The following SEZ6L variants were observed in gnomAD, a reference collection of about 807,000 sequenced individuals.
SEZ6L encodes seizure related 6 homolog like, also known as seizure 6-like protein.
Under a neutral mutation model 106.2 loss-of-function variants are expected in SEZ6L, and 37 were observed. The observed-to-expected ratio is 0.35, with a 90% confidence interval of 0.27 to 0.46. The LOEUF (loss-of-function observed/expected upper bound fraction) is 0.46, where lower values mean the gene tolerates loss of function less well. Among genes scored for constraint, SEZ6L ranks in the 20% least tolerant of loss-of-function variants. SEZ6L has a pLI of 1.00. For synonymous variants in SEZ6L, 541 were observed against 570.4 expected, an observed-to-expected ratio of 0.95 and a Z score of 0.73; for missense variants, 1,172 against 1,332.8, an observed-to-expected ratio of 0.88 and a Z score of 1.88.
chr22:26,177,830 G>T (rs1001383589), intron 1 of SEZ6L, among the ~76,000 whole-genome samples: 1 of 152,058 alleles, frequency 6.6e-6, no homozygotes, highest in Non-Finnish European at 1.5e-5. Context: ...TCAGATTCTA[G>T]CAGTTATTTG....
intron 1 of SEZ6L, among the ~76,000 whole-genome samples, chr22:26,256,640 G>T (rs2079831097): frequency 6.6e-6 from 1 of 152,216 alleles, no homozygotes; most frequent in African/African-American, 2.4e-5. Flanking sequence ...GACTTCCACG[G>T]CTGGGAACCA....
intron 11 of SEZ6L, among the ~76,000 whole-genome samples, chr22:26,348,638 AAGAAAGAAAAAGAAAG>A (rs1451828809): frequency 5.1e-4 from 16 of 31,474 alleles, no homozygotes; most frequent in Non-Finnish European, 5.1e-4. Flanking sequence ...GAAAGAAAGA[AAGAAAGAAAAAGAAAG>A]AAAGAAAGAA....
At chr22:26,369,304 C>T (rs1441568856) in intron 13 of SEZ6L, among the ~76,000 whole-genome samples, 1 of 149,958 alleles carries the variant, frequency 6.7e-6, no homozygotes, top group African/African-American at 2.5e-5. Flanking sequence ...CAAGCAGGGG[C>T]TCATCACGTG....
At chr22:26,306,353 G>A (rs1019114475) in intron 6 of SEZ6L, among the ~76,000 whole-genome samples, 11 of 152,132 alleles carry the variant, frequency 7.2e-5, no homozygotes, top group African/African-American at 2.7e-4. Flanking sequence ...GAAGGAAATG[G>A]ACCTGCCCCA....
intron 1 of SEZ6L, among the ~76,000 whole-genome samples, chr22:26,173,669 G>A (rs972879408): frequency 1.3e-5 from 2 of 152,170 alleles, no homozygotes; most frequent in Admixed American, 6.5e-5. Context: ...GCCTTAGATA[G>A]GGTGGCTTAA....
At chr22:26,343,527 T>C (rs549046614) in intron 10 of SEZ6L, among the ~76,000 whole-genome samples, 5 of 152,322 alleles carry the variant, frequency 3.3e-5, no homozygotes, top group African/African-American at 1.2e-4. Context: ...TTCAAATGCA[T>C]TATCTCCATT....
intron 12 of SEZ6L, 63 bp downstream of exon 12, chr22:26,351,306 A>G (rs954813952): frequency 5.3e-6 from 8 of 1,503,032 alleles, no homozygotes; most frequent in Non-Finnish European, 6.4e-6. Flanking sequence ...TCTCTTGTTC[A>G]TGATGGAAGG....
chr22:26,251,215 G>T lies in SEZ6L; in HGVS notation c.95-41191G>T, dbSNP rs189656591. Among the ~76,000 whole-genome samples the T allele has an allele frequency of 2.6e-5, 4 of 152,178 alleles. No homozygotes were observed. The East Asian group carries it at 5.8e-4, about 22-fold the overall frequency. On this transcript the variant is annotated intron_variant, in intron 1 of 16. Coordinates refer to ENST00000248933, the MANE Select transcript of SEZ6L (RefSeq NM_021115.5). ...TGGTGAGAGTAGGCAGCCTTGTCTT[G>T]TTCTAGTTCTTAAAGGAAAAGCTTT...
At chr22:26,186,864 T>G (rs1057167141) in intron 1 of SEZ6L, among the ~76,000 whole-genome samples, 3 of 152,140 alleles carry the variant, frequency 2.0e-5, no homozygotes, top group Non-Finnish European at 2.9e-5. Flanking sequence ...GAGTTTATTC[T>G]CAGCTGTGCT....
chr22:26,362,418 G>A (rs527725021), intron 12 of SEZ6L, among the ~76,000 whole-genome samples: 2 of 152,112 alleles, frequency 1.3e-5, no homozygotes, highest in South Asian at 2.1e-4. Context: ...TGCCTCTCTC[G>A]CTCAACTATT....
chr22:26,352,160 C>CAAAAAA (rs3071657), intron 12 of SEZ6L, among the ~76,000 whole-genome samples: 35 of 121,166 alleles, frequency 2.9e-4, no homozygotes, highest in African/African-American at 6.6e-4. Context: ...GACCCTGCCT[C>CAAAAAA]AAAAAAAAAA....
chr22:26,343,396 T>A (rs140579676), intron 10 of SEZ6L, among the ~76,000 whole-genome samples: 289 of 152,228 alleles, frequency 1.9e-3, no homozygotes, highest in African/African-American at 6.8e-3. Flanking sequence ...CTGGCCAGTG[T>A]TCAGTTTGGC....
At chr22:26,354,506 C>T (rs1479280039) in intron 12 of SEZ6L, among the ~76,000 whole-genome samples, 1 of 152,156 alleles carries the variant, frequency 6.6e-6, no homozygotes, top group Non-Finnish European at 1.5e-5. Context: ...GGTTTGTGGT[C>T]CTTTGTCAAG....
At chr22:26,208,014 A>G (rs1941368998) in intron 1 of SEZ6L, among the ~76,000 whole-genome samples, 3 of 149,820 alleles carry the variant, frequency 2.0e-5, no homozygotes, top group East Asian at 2.0e-4. Flanking sequence ...GGTTCACGCC[A>G]TTCTCCTGCC....
chr22:26,348,289 A>T (rs1028822847), intron 11 of SEZ6L, among the ~76,000 whole-genome samples: 1 of 151,858 alleles, frequency 6.6e-6, no homozygotes, highest in African/African-American at 2.4e-5. Flanking sequence ...TGAGCCCATG[A>T]GTTTGATAGC....
Position 26,375,729 on chromosome 22 carries a change from C to A in SEZ6L, c.2942+40C>A, listed in dbSNP as rs187375263. On this transcript the variant is annotated intron_variant, in intron 15 of 16. Coordinates refer to ENST00000248933, the MANE Select transcript of SEZ6L (RefSeq NM_021115.5). ...GGGGAGATGACTGCCAAGCACCCAG[C>A]CACCAGTACTCAGAGGGACTGGGCG... The A allele has an allele frequency of 4.1e-4, 615 of 1,493,866 alleles. 1 individual carries two copies. The highest frequency in any genetic ancestry group is 1.4e-3 in the Admixed American group (78 of 57,258). 92.5% of individuals were successfully genotyped at this position (1,493,866 alleles called of 1,614,324 possible).
At chr22:26,177,542 T>C (rs971708047) in intron 1 of SEZ6L, among the ~76,000 whole-genome samples, 1 of 152,180 alleles carries the variant, frequency 6.6e-6, no homozygotes, top group Admixed American at 6.5e-5. Flanking sequence ...TTCTCTTAGG[T>C]CTCTGGCAGC....
intron 1 of SEZ6L, among the ~76,000 whole-genome samples, chr22:26,254,577 C>A (rs934697551): frequency 6.6e-6 from 1 of 152,154 alleles, no homozygotes; most frequent in African/African-American, 2.4e-5. Context: ...ATGATTGTGA[C>A]ACTGCACTCC....
At position 26,292,657 on chromosome 22, in the gene SEZ6L, A is replaced by C. The variant is rs890240923; in HGVS notation, c.346A>C (p.Lys116Gln). The stretch of plus-strand genomic sequence containing the variant: ...CCGCCCCAAGCACGCCTTGCCCCCC[A>C]AGAAGAAACTGCCTTCGCTCAAGCA... ...EARPKHALPP[K>Q]KKLPSLKQVN... Residue 116 changes from lysine to glutamine, a missense_variant, in exon 2 of 17, where the codon AAG (lysine) becomes CAG (glutamine). By Grantham distance (53) the Lys-to-Gln change is moderately conservative. This residue lies in a region of SEZ6L where 494 missense variants were observed against 445.8 expected (regional missense o/e 1.11). Coordinates refer to ENST00000248933, the MANE Select transcript of SEZ6L (RefSeq NM_021115.5). The C allele has an allele frequency of 1.2e-6, 2 of 1,613,160 alleles. No homozygotes were observed. The highest frequency in any genetic ancestry group is 1.7e-6 in the Non-Finnish European group (2 of 1,179,828).
Sources: gnomAD v4.1 joint callset for allele counts (sites outside exome capture counted in the v4.1 genomes callset) on GRCh38, gnomAD v4.1.1 for gene constraint, gnomAD v4.1.1 regional missense constraint, MANE v1.5 for transcripts, NCBI Gene and HGNC (gene_info 2026-07-23, HGNC 2026-07-21) for gene names.